Variants in EPHA8 observed in about 807,000 individuals in gnomAD.
The protein encoded by EPHA8 is ephrin type-A receptor 8.
In EPHA8, 58 loss-of-function variants were observed where a neutral mutation model predicts 103.6. The ratio of observed to expected loss-of-function variants is 0.56; its 90% confidence interval spans 0.45 to 0.70. The LOEUF is 0.70. Among genes scored for constraint, EPHA8 ranks in the 30% least tolerant of loss-of-function variants. The probability of loss-of-function intolerance (pLI) is 0.00; values close to 1 mark genes in which losing one functional copy is unlikely to be tolerated. For missense variants in EPHA8, 1,304 were observed against 1,395.2 expected (o/e 0.93, Z 1.04); for synonymous variants, 559 against 572.5 (o/e 0.98, Z 0.34).
chr1:22,578,929 GTGCATGTGTGTATGTA>G (rs1009732593), intron 3 of EPHA8, among the ~76,000 whole-genome samples: 24 of 151,530 alleles, frequency 1.6e-4, no homozygotes, highest in African/African-American at 4.6e-4. Flanking sequence ...GCGTTTATGT[GTGCATGTGTGTATGTA>G]TGCATGTGTG....
chr1:22,566,645 G>A (rs1640367605), intron 1 of EPHA8, among the ~76,000 whole-genome samples: 1 of 152,218 alleles, frequency 6.6e-6, no homozygotes, highest in Non-Finnish European at 1.5e-5. Context: ...GCGGGGAGAT[G>A]GGCCCACAGG....
At chr1:22,580,961 GTGA>G (rs1251873592) in intron 3 of EPHA8, among the ~76,000 whole-genome samples, 3 of 152,208 alleles carry the variant, frequency 2.0e-5, no homozygotes, top group African/African-American at 4.8e-5. Flanking sequence ...AAGGACCTTA[GTGA>G]TGATTTTTCG....
intron 1 of EPHA8, among the ~76,000 whole-genome samples, chr1:22,566,232 C>T (rs1262269111): frequency 6.6e-6 from 1 of 152,220 alleles, no homozygotes; most frequent in African/African-American, 2.4e-5. Flanking sequence ...GTGGCTTATC[C>T]TCCACTTTGA....
intron 4 of EPHA8, 131 bp downstream of exon 4, chr1:22,586,766 A>C: frequency 1.8e-6 from 2 of 1,122,652 alleles, no homozygotes; most frequent in Non-Finnish European, 2.5e-6. Context: ...CTTGAGCCAG[A>C]GGCCAGTCTG....
intron 13 of EPHA8, 95 bp downstream of exon 13, chr1:22,599,142 A>G (rs549832626): frequency 7.2e-7 from 1 of 1,381,234 alleles, no homozygotes; most frequent in South Asian, 1.3e-5. Context: ...AGCTGAATGA[A>G]GTTGGCAGTT....
intron 2 of EPHA8, among the ~76,000 whole-genome samples, chr1:22,570,313 TACACACATGCACAC>T (rs1398249832): frequency 3.2e-5 from 4 of 124,358 alleles, no homozygotes; most frequent in Non-Finnish European, 6.6e-5. Context: ...CGTGTGCGTG[TACACACATGCACAC>T]ACGCACATGC....
At position 22,591,857 on chromosome 1, in the gene EPHA8, C is replaced by T. The variant is rs147513349; in HGVS notation, c.1316-1469C>T. Among the ~76,000 whole-genome samples the T allele has an allele frequency of 3.0e-3, 458 of 152,322 alleles. 2 individuals carry two copies. The highest frequency in any genetic ancestry group is 0.011 in the African/African-American group (446 of 41,564). ...GCTCCCCCGACCACCTCAGCTGAAACGTGCCAGTGCCCTTCCGGGCCCTGC... is the reference window on the plus strand; with the variant it reads ...GCTCCCCCGACCACCTCAGCTGAAATGTGCCAGTGCCCTTCCGGGCCCTGC... On this transcript the variant is annotated intron_variant, in intron 5 of 16. Coordinates refer to ENST00000166244, the MANE Select transcript of EPHA8 (RefSeq NM_020526.5).
In EPHA8 at chr1:22,593,686, C is replaced by T. The variant is rs753717948; in HGVS notation, c.1603C>T (p.Arg535Trp). 1.3e-5 allele frequency: 21 copies of T among 1,590,264 alleles called. No homozygotes were observed. Among genetic ancestry groups the T allele is most frequent in the Middle Eastern group, 1.7e-4 (1 of 5,998 alleles). ...CATGGAGGTGGAGACCGGGAAACCC[C>T]GTGAGTGCAGGGAGGGGGCGTGGGC... The part of the protein sequence containing the change: ...QAMEVETGKP[R>W]PRYDTRTIVW... The change falls in exon 7 of 17, where the codon CGG (arginine) becomes TGG (tryptophan). Residue 535 changes from arginine (R) to tryptophan (W), a missense_variant and splice_region_variant. Physicochemically the swap from Arg to Trp is moderately radical, Grantham distance 101. Transcript: ENST00000166244.
In EPHA8 at chr1:22,567,905, A is replaced by T. The variant is rs1640414303; in HGVS notation, c.95-1384A>T. ...GAAAGGGAAAGCTGTGGGACTCTGG[A>T]GCCAAAAGCCCTCTCATACAGCAAT... On this transcript the variant is annotated intron_variant, in intron 1 of 16. Coordinates refer to ENST00000166244, the MANE Select transcript of EPHA8 (RefSeq NM_020526.5). The surrounding 1 kb of genome is among the most constrained non-coding windows in gnomAD (Gnocchi z 4.2). 6.6e-6 allele frequency among the ~76,000 whole-genome samples: 1 copy of T among 152,182 alleles called. No homozygotes were observed. The highest frequency in any genetic ancestry group is 1.5e-5 in the Non-Finnish European group (1 of 68,036).
chr1:22,588,230 G>C (rs1641270590), intron 4 of EPHA8, among the ~76,000 whole-genome samples: 2 of 151,968 alleles, frequency 1.3e-5, no homozygotes, highest in Non-Finnish European at 2.9e-5. Flanking sequence ...AGACCCCCAT[G>C]CCCTCTTGGC....
In EPHA8 at chr1:22,569,214, G is replaced by T. The variant is rs1364280136; in HGVS notation, c.95-75G>T. 6.1e-6 allele frequency: 9 copies of T among 1,472,866 alleles called. No homozygotes were observed. In the East Asian group the frequency reaches 2.0e-4, roughly 34 times the overall value. 91.2% of individuals were successfully genotyped at this position (1,472,866 alleles called of 1,614,324 possible). ...TGGGGGCTGAGTGTGGACCAGTGTA[G>T]CTGGGTCAGGCTGCTCTTGAGGAGC... On this transcript the variant is annotated intron_variant, in intron 1 of 16. Coordinates refer to ENST00000166244, the MANE Select transcript of EPHA8 (RefSeq NM_020526.5). The surrounding 1 kb of genome is among the most constrained non-coding windows in gnomAD (Gnocchi z 4.5).
intron 2 of EPHA8, among the ~76,000 whole-genome samples, chr1:22,572,066 C>A (rs1291224732): frequency 6.6e-6 from 1 of 152,156 alleles, no homozygotes; most frequent in African/African-American, 2.4e-5. Flanking sequence ...CCAGGTGATT[C>A]TCCTGCCCAG....
At chr1:22,577,994 TACACC>T (rs1640787852) in intron 3 of EPHA8, among the ~76,000 whole-genome samples, 1 of 2,028 alleles carries the variant, frequency 4.9e-4, no homozygotes, top group Non-Finnish European at 1.1e-3. Flanking sequence ...TGTGTGCATG[TACACC>T]TGTGTGTGCA....
chr1:22,591,388 A>ATTT (rs112955282), intron 5 of EPHA8, among the ~76,000 whole-genome samples: 83 of 143,230 alleles, frequency 5.8e-4, no homozygotes, highest in African/African-American at 1.7e-3. Context: ...ATGCCCAGTG[A>ATTT]TTTTTTTTTT....
At chr1:22,586,764 AGAGG>A in intron 4 of EPHA8, 129 bp downstream of exon 4, 7 of 1,194,188 alleles carry the variant, frequency 5.9e-6, no homozygotes, top group Non-Finnish European at 6.9e-6. Flanking sequence ...CTCTTGAGCC[AGAGG>A]CCAGTCTGAG....
In EPHA8 at chr1:22,600,994, C is replaced by T. The variant is rs147803148; in HGVS notation, c.2635C>T (p.Arg879Trp). 3.5e-5 allele frequency: 56 copies of T among 1,612,818 alleles called. No homozygotes were observed. Among genetic ancestry groups the T allele is most frequent in the African/African-American group, 1.2e-4 (9 of 74,896 alleles). The change falls in exon 15 of 17, where the codon CGG (arginine) becomes TGG (tryptophan). Residue 879 changes from arginine (R) to tryptophan (W), a missense_variant. By Grantham distance (101) the Arg-to-Trp change is moderately radical. Transcript: ENST00000166244. ...QLMLDCWHKD[R>W]AQRPRFSQIV... is the part of the protein sequence containing the mutation. ...CATGCTCGACTGTTGGCACAAGGAC[C>T]GGGCGCAGCGGCCTCGCTTCTCCCA...
rs541441954 is a variant in EPHA8 at position 22,585,741 on chromosome 1, G to T, written c.824-739G>T. Reference sequence around the variant, plus strand: ...GGGTGTGGCAGTGGCTGGAGAGAGGGTCAGTCCCAGCCACAGTGACGGGGA... The same window carrying T: ...GGGTGTGGCAGTGGCTGGAGAGAGGTTCAGTCCCAGCCACAGTGACGGGGA... On this transcript the variant is annotated intron_variant, in intron 3 of 16. Coordinates refer to ENST00000166244, the MANE Select transcript of EPHA8 (RefSeq NM_020526.5). Among the ~76,000 whole-genome samples, 933 of 152,322 alleles carry T rather than the reference G, an allele frequency of 6.1e-3. 5 individuals carry two copies. Among genetic ancestry groups the T allele is most frequent in the African/African-American group, 0.021 (860 of 41,560 alleles).
chr1:22,578,811 A>G (rs1260679985), intron 3 of EPHA8, among the ~76,000 whole-genome samples: 1 of 146,818 alleles, frequency 6.8e-6, no homozygotes. Context: ...GTGTGCATGT[A>G]TGTGTACATG....
intron 2 of EPHA8, among the ~76,000 whole-genome samples, chr1:22,575,276 C>A (rs1009002899): frequency 6.6e-6 from 1 of 152,112 alleles, no homozygotes; most frequent in African/African-American, 2.4e-5. Context: ...TTTATAACAG[C>A]CATCCTAATG....
Sources: allele counts gnomAD v4.1 joint callset (sites outside exome capture counted in the v4.1 genomes callset), GRCh38; gene constraint gnomAD v4.1.1; non-coding constraint Gnocchi (gnomAD v3.1); transcripts MANE v1.5; gene names NCBI Gene and HGNC (gene_info 2026-07-23, HGNC 2026-07-21).